LRIG1: variants seen among roughly 807,000 people sequenced by gnomAD.
LRIG1 encodes leucine-rich repeats and immunoglobulin-like domains protein 1.
LRIG1 carries 48 observed loss-of-function variants against 99.2 expected under a neutral mutation model. The observed-to-expected ratio is 0.48, with a 90% CI of 0.38 to 0.62. The LOEUF is 0.62. LRIG1 is among the 20% of genes least tolerant of loss of function. LRIG1 has a pLI of 0.00. For synonymous variants in LRIG1, 772 were observed against 596.1 expected, an observed-to-expected ratio of 1.29 and a Z score of -4.30; for missense variants, 1,646 against 1,434.4, an observed-to-expected ratio of 1.15 and a Z score of -2.38.
At chr3:66,497,238 G>C (rs552785661) in intron 1 of LRIG1, among the ~76,000 whole-genome samples, 4 of 152,276 alleles carry the variant, frequency 2.6e-5, no homozygotes, top group Non-Finnish European at 5.9e-5. Flanking sequence ...TCAGCTCTCA[G>C]GACATTTAAA....
At chr3:66,453,818 A>G (rs1173164491) in intron 2 of LRIG1, among the ~76,000 whole-genome samples, 1 of 152,196 alleles carries the variant, frequency 6.6e-6, no homozygotes. Context: ...TTGATTTTAA[A>G]CCTGAAACAA....
At chr3:66,478,899 C>T (rs1156783176) in intron 1 of LRIG1, among the ~76,000 whole-genome samples, 2 of 152,184 alleles carry the variant, frequency 1.3e-5, no homozygotes, top group Non-Finnish European at 2.9e-5. Context: ...TACTAACTCC[C>T]TGAGTAGCTC....
At chr3:66,385,258 G>A (rs1407891226) in intron 13 of LRIG1, among the ~76,000 whole-genome samples, 5 of 152,108 alleles carry the variant, frequency 3.3e-5, no homozygotes, top group Non-Finnish European at 7.4e-5. Context: ...TCAGGCCAGG[G>A]CTCACACCAG....
Position 66,462,446 on chromosome 3 carries a change from T to G in LRIG1, c.282A>C (p.Leu94=). 1.2e-6 allele frequency: 2 copies of G among 1,611,976 alleles called. No homozygotes were observed. Among genetic ancestry groups the G allele is most frequent in the Non-Finnish European group, 1.7e-6 (2 of 1,178,786 alleles). Reference sequence around the variant, plus strand: ...TTTAGGGGGAGACTCACACTTCCTGTAGGTTCGGCAAGTCCTCAAAACCAG... The same window carrying G: ...TTTAGGGGGAGACTCACACTTCCTGGAGGTTCGGCAAGTCCTCAAAACCAG... The part of the protein sequence containing the change: ...DPAGFEDLPN[L]QEVYLNNNEL... The change falls in exon 2 of 19, where the codon CTA becomes CTC. Residue 94 remains leucine (L), a synonymous_variant. Transcript: ENST00000273261.
At chr3:66,430,561 G>A (rs531723994) in intron 3 of LRIG1, among the ~76,000 whole-genome samples, 10 of 152,320 alleles carry the variant, frequency 6.6e-5, no homozygotes, top group Admixed American at 4.6e-4. Context: ...CTGCTGACCC[G>A]AGGAAGCTGT....
intron 8 of LRIG1, chr3:66,405,752 C>T (rs1378847237): frequency 7.8e-6 from 9 of 1,155,550 alleles, no homozygotes; most frequent in Non-Finnish European, 9.7e-6. Flanking sequence ...CGCCTCCGTA[C>T]CAGCCAGTGG....
At position 66,381,488 on chromosome 3, in the gene LRIG1, G is replaced by A. The variant is rs539004306; in HGVS notation, c.2761C>T (p.His921Tyr). The change falls in exon 17 of 19, where the codon CAT becomes TAT. Residue 921 changes from histidine (H) to tyrosine (Y), a missense_variant. Transcript: ENST00000273261. The stretch of plus-strand genomic sequence containing the variant: ...GGGAAGCATCTCATACCCATCTTAT[G>A]TGGCCCAGGTGTCCCTTCAGCTTTC... ...MEKAEGTPGPHKMEHGGRVVC... is the reference protein window; with the variant it reads ...MEKAEGTPGPYKMEHGGRVVC... 5 of 1,613,104 alleles carry A rather than the reference G, an allele frequency of 3.1e-6. No homozygotes were observed. The African/African-American group carries it at 5.3e-5, about 17-fold the overall frequency.
chr3:66,499,650 G>C (rs550145473), intron 1 of LRIG1, among the ~76,000 whole-genome samples: 1 of 152,082 alleles, frequency 6.6e-6, no homozygotes, highest in African/African-American at 2.4e-5. Flanking sequence ...ATCAGGAGAC[G>C]GCTACACACA....
At position 66,414,991 on chromosome 3, in the gene LRIG1, A is replaced by C; in HGVS notation, c.576T>G (p.Thr192=). The stretch of plus-strand genomic sequence containing the variant: ...TGATCCTGTTTTTGCTCAGGCGAAG[A>C]GTTAGCAGCGACCGTGACAGACCAT... ...AFDGLSRSLL[T]LRLSKNRITQ... The change falls in exon 5 of 19, where the codon ACT becomes ACG. Residue 192 remains threonine, a synonymous_variant. Coordinates refer to ENST00000273261, the MANE Select transcript of LRIG1 (RefSeq NM_015541.3). 6.2e-7 allele frequency: 1 copy of C among 1,613,348 alleles called. No individual in the cohort carries two copies. The highest frequency in any genetic ancestry group is 8.5e-7 in the Non-Finnish European group (1 of 1,179,580).
chr3:66,409,984 G>A, intron 7 of LRIG1, 145 bp downstream of exon 7: 2 of 749,290 alleles, frequency 2.7e-6, no homozygotes, highest in Non-Finnish European at 4.3e-6. Flanking sequence ...TCCACCCTGG[G>A]CCTGGCTGGT....
At chr3:66,397,487 G>A (rs1701898431) in intron 11 of LRIG1, among the ~76,000 whole-genome samples, 1 of 149,890 alleles carries the variant, frequency 6.7e-6, no homozygotes, top group African/African-American at 2.4e-5. Flanking sequence ...AAACTTGGGT[G>A]TTACACCTGA....
chr3:66,466,475 T>A (rs992704668), intron 1 of LRIG1, among the ~76,000 whole-genome samples: 2 of 152,254 alleles, frequency 1.3e-5, no homozygotes, highest in African/African-American at 4.8e-5. Context: ...GCTATCAACA[T>A]TGCCATTTTT....
rs367610215 is a variant in LRIG1 at position 66,451,522 on chromosome 3, C to T, written c.365+37G>A. 2.2e-5 allele frequency: 35 copies of T among 1,595,762 alleles called. No individual in the cohort carries two copies. In the African/African-American group the frequency reaches 3.6e-4, roughly 17 times the overall value. On this transcript the variant is annotated intron_variant, in intron 3 of 18. Transcript: ENST00000273261. ...CAAGGCAACAAACACCATGGCCCCA[C>T]CACACAGCCCAGAGTCCCCCAAACG...
intron 9 of LRIG1, among the ~76,000 whole-genome samples, chr3:66,400,847 G>A (rs953749881): frequency 6.6e-6 from 1 of 152,096 alleles, no homozygotes; most frequent in African/African-American, 2.4e-5. Context: ...CCTGGGAACC[G>A]CTTGGGCAGG....
At chr3:66,398,892 G>A (rs904587116) in intron 10 of LRIG1, 78 bp downstream of exon 10, 18 of 1,178,904 alleles carry the variant, frequency 1.5e-5, no homozygotes, top group African/African-American at 3.0e-5. Flanking sequence ...ACAAAGATGC[G>A]ATTAAATTGC....
intron 1 of LRIG1, among the ~76,000 whole-genome samples, chr3:66,468,578 T>C (rs1247977740): frequency 6.6e-6 from 1 of 152,164 alleles, no homozygotes; most frequent in East Asian, 1.9e-4. Context: ...AGCTGGAAAG[T>C]AAGTGTGAGG....
At chr3:66,387,087 C>T (rs577581242) in intron 12 of LRIG1, 1 of 147,720 alleles carries the variant, frequency 6.8e-6, no homozygotes. Context: ...GTTTGCCGAG[C>T]AGGAGAAGCC....
At chr3:66,395,840 C>T (rs1006796756) in intron 11 of LRIG1, among the ~76,000 whole-genome samples, 4 of 152,228 alleles carry the variant, frequency 2.6e-5, no homozygotes, top group South Asian at 2.1e-4. Flanking sequence ...GAGAACTCTC[C>T]GCTGTCAGAA....
chr3:66,474,919 G>T (rs1432727315), intron 1 of LRIG1, among the ~76,000 whole-genome samples: 1 of 152,114 alleles, frequency 6.6e-6, no homozygotes, highest in Non-Finnish European at 1.5e-5. Flanking sequence ...AACTCTTTTT[G>T]GAGTTTCAGT....
Sources: gnomAD v4.1 joint callset for allele counts (sites outside exome capture counted in the v4.1 genomes callset) on GRCh38, gnomAD v4.1.1 for gene constraint, MANE v1.5 for transcripts, NCBI Gene and HGNC (gene_info 2026-07-23, HGNC 2026-07-21) for gene names.